Variants in DAB1 observed in about 807,000 individuals in gnomAD.
DAB1 encodes DAB adaptor protein 1.
DAB1 carries 15 observed loss-of-function variants against 64.6 expected under a neutral mutation model. The ratio of observed to expected loss-of-function variants is 0.23; its 90% confidence interval spans 0.16 to 0.36. The LOEUF (loss-of-function observed/expected upper bound fraction) is 0.36, where lower values mean the gene tolerates loss of function less well. DAB1 is among the 10% of genes least tolerant of loss of function. The pLI, the probability that DAB1 is intolerant of heterozygous loss-of-function variation, is 1.00. For missense variants in DAB1, 596 were observed against 706.7 expected (o/e 0.84, Z 1.78); for synonymous variants, 235 against 251.9 (o/e 0.93, Z 0.64).
At chr1:57,661,214 A>G (rs1264634965) in intron 6 of DAB1, among the ~76,000 whole-genome samples, 1 of 152,210 alleles carries the variant, frequency 6.6e-6, no homozygotes, top group African/African-American at 2.4e-5. Context: ...CTAAAGGCTC[A>G]GTTAAGGCAG....
chr1:57,853,952 T>G (rs1264245919), intron 1 of DAB1, among the ~76,000 whole-genome samples: 1 of 152,218 alleles, frequency 6.6e-6, no homozygotes, highest in Non-Finnish European at 1.5e-5. Flanking sequence ...TTTGCTTGTA[T>G]TACACATCTA....
chr1:57,394,633 T>C (rs575560655), intron 1 of DAB1, among the ~76,000 whole-genome samples: 2 of 152,312 alleles, frequency 1.3e-5, no homozygotes, highest in East Asian at 3.9e-4. Context: ...GAGCAGTATG[T>C]TCTAAAACAG....
chr1:57,737,714 C>T (rs1481777310), intron 6 of DAB1, among the ~76,000 whole-genome samples: 2 of 152,120 alleles, frequency 1.3e-5, no homozygotes, highest in African/African-American at 4.8e-5. Context: ...TGCTTTCTGA[C>T]ATGATTCTGT....
intron 5 of DAB1, among the ~76,000 whole-genome samples, chr1:58,080,646 C>T (rs1401522219): frequency 2.0e-5 from 3 of 152,202 alleles, no homozygotes; most frequent in African/African-American, 4.8e-5. Context: ...GCCTCTCATT[C>T]CTCACTGTCG....
At chr1:58,477,109 C>A (rs1050956043) in intron 3 of DAB1, among the ~76,000 whole-genome samples, 3 of 152,212 alleles carry the variant, frequency 2.0e-5, no homozygotes, top group African/African-American at 7.2e-5. Flanking sequence ...TACTTGAATG[C>A]ATACTTGGAC....
At chr1:57,443,705 C>A (rs1030631871) in intron 7 of DAB1, among the ~76,000 whole-genome samples, 2 of 152,140 alleles carry the variant, frequency 1.3e-5, no homozygotes, top group African/African-American at 4.8e-5. Flanking sequence ...GCTTCATTCC[C>A]CTATAGCCAG....
At chr1:57,341,563 G>A (rs908676905) in intron 1 of DAB1, among the ~76,000 whole-genome samples, 1 of 152,136 alleles carries the variant, frequency 6.6e-6, no homozygotes, top group Non-Finnish European at 1.5e-5. Context: ...AAATACCCAG[G>A]ATTGGAGTGT....
intron 4 of DAB1, among the ~76,000 whole-genome samples, chr1:58,217,387 G>A (rs79211041): frequency 0.011 from 1,664 of 152,284 alleles, 32 homozygotes; most frequent in African/African-American, 0.038. Flanking sequence ...AGAGTGACAG[G>A]AGTCCCCAGG....
intron 4 of DAB1, among the ~76,000 whole-genome samples, chr1:57,119,195 T>G (rs1427957984): frequency 6.6e-6 from 1 of 152,212 alleles, no homozygotes; most frequent in African/African-American, 2.4e-5. Flanking sequence ...CACCAAAACT[T>G]GCTTAATCTA....
chr1:58,289,278 C>G (rs545555222), intron 4 of DAB1, among the ~76,000 whole-genome samples: 1 of 152,202 alleles, frequency 6.6e-6, no homozygotes, highest in East Asian at 1.9e-4. Context: ...CTTAGCATCT[C>G]TAATAAAGAT....
At chr1:58,251,324 A>G (rs1216511630) in intron 4 of DAB1, among the ~76,000 whole-genome samples, 4 of 152,246 alleles carry the variant, frequency 2.6e-5, no homozygotes, top group African/African-American at 9.6e-5. Context: ...CAGACAAGTA[A>G]TGTTTATTCT....
At chr1:58,126,130 T>G (rs992969783) in intron 5 of DAB1, among the ~76,000 whole-genome samples, 6 of 152,222 alleles carry the variant, frequency 3.9e-5, no homozygotes, top group Admixed American at 6.5e-5. Context: ...AAAATCAGTC[T>G]GACCTTTTCC....
intron 6 of DAB1, among the ~76,000 whole-genome samples, chr1:57,705,990 T>C (rs1646962409): frequency 6.6e-6 from 1 of 151,984 alleles, no homozygotes; most frequent in Admixed American, 6.6e-5. Context: ...GCTTACTTTT[T>C]TTCAAATATA....
intron 1 of DAB1, among the ~76,000 whole-genome samples, chr1:57,384,139 A>C (rs1681600849): frequency 6.6e-6 from 1 of 152,216 alleles, no homozygotes; most frequent in Non-Finnish European, 1.5e-5. Context: ...GCATTTGAAA[A>C]GATGCCCAAC....
In DAB1 at chr1:58,434,724, T is replaced by C. The variant is rs1198840451; in HGVS notation, n.257+71336A>G. 2.0e-5 allele frequency among the ~76,000 whole-genome samples: 3 copies of C among 152,242 alleles called. No individual in the cohort carries two copies. The East Asian group carries it at 5.8e-4, about 29-fold the overall frequency. ...AGAACCAAAGTCCAGCCTGGTACACTGCAACATTAAGATGTTGCTTTGACA... is the reference window on the plus strand; with the variant it reads ...AGAACCAAAGTCCAGCCTGGTACACCGCAACATTAAGATGTTGCTTTGACA... On this transcript the variant is annotated intron_variant and non_coding_transcript_variant, in intron 3 of 20. Coordinates refer to the DAB1 transcript ENST00000485760.
intron 5 of DAB1, among the ~76,000 whole-genome samples, chr1:58,088,111 G>T (rs956808940): frequency 1.1e-4 from 17 of 152,190 alleles, no homozygotes; most frequent in African/African-American, 4.1e-4. Flanking sequence ...AGAGAGGGCT[G>T]GGTTCTGCCC....
intron 2 of DAB1, among the ~76,000 whole-genome samples, chr1:57,200,606 T>C (rs1665012699): frequency 6.6e-6 from 1 of 152,186 alleles, no homozygotes; most frequent in Non-Finnish European, 1.5e-5. Context: ...GAGGTCTAAA[T>C]GAGTTAATGT....
intron 1 of DAB1, among the ~76,000 whole-genome samples, chr1:57,365,348 T>C (rs1679907611): frequency 7.0e-6 from 1 of 142,998 alleles, no homozygotes; most frequent in South Asian, 2.1e-4. Context: ...TATATAAATA[T>C]ATATTTATAT....
chr1:57,250,802 T>G, intron 2 of DAB1, among the ~76,000 whole-genome samples: 1 of 152,244 alleles, frequency 6.6e-6, no homozygotes, highest in East Asian at 1.9e-4. Context: ...TATATTCATA[T>G]TATCATGTCA....
Sources: gnomAD v4.1 joint callset for allele counts (sites outside exome capture counted in the v4.1 genomes callset) on GRCh38, gnomAD v4.1.1 for gene constraint, MANE v1.5 for transcripts, NCBI Gene and HGNC (gene_info 2026-07-23, HGNC 2026-07-21) for gene names.